The following AMOTL1 variants were observed in gnomAD, a reference collection of about 807,000 sequenced individuals.
AMOTL1 encodes the protein angiomotin like 1, also known as angiomotin-like protein 1.
A neutral mutation model predicts 102.9 loss-of-function variants in AMOTL1; 45 were observed. The observed-to-expected ratio is 0.44, with a 90% CI of 0.34 to 0.56. AMOTL1 has a LOEUF of 0.56. AMOTL1 is among the 20% of genes least tolerant of loss of function. The pLI is 0.01. For missense variants in AMOTL1, 1,114 were observed against 1,225.6 expected (o/e 0.91, Z 1.36); for synonymous variants, 481 against 484.7 (o/e 0.99, Z 0.10).
chr11:94,708,929 T>TATA (rs1252891816), intron 1 of AMOTL1, among the ~76,000 whole-genome samples: 2 of 152,218 alleles, frequency 1.3e-5, no homozygotes, highest in East Asian at 3.9e-4. Flanking sequence ...GGACAGAGTG[T>TATA]AAATAGATCT....
intron 6 of AMOTL1, among the ~76,000 whole-genome samples, chr11:94,834,925 A>G (rs1295356036): frequency 6.6e-6 from 1 of 152,190 alleles, no homozygotes; most frequent in East Asian, 1.9e-4. Context: ...TTAGAGTTTT[A>G]TGAAGGCCTT....
intron 6 of AMOTL1, among the ~76,000 whole-genome samples, chr11:94,845,517 T>C (rs1465062096): frequency 6.6e-6 from 1 of 152,228 alleles, no homozygotes; most frequent in Non-Finnish European, 1.5e-5. Flanking sequence ...TTAGCTCTTG[T>C]TGTTATTTAT....
In AMOTL1 at chr11:94,847,610, A is replaced by G. The variant is rs77032879; in HGVS notation, c.1649-2504A>G. Among the ~76,000 whole-genome samples the G allele has an allele frequency of 2.9e-3, 440 of 152,306 alleles. 3 individuals are homozygous for G. The highest frequency in any genetic ancestry group is 0.01 in the African/African-American group (421 of 41,570). Reference sequence around the variant, plus strand: ...GAGCTGAGGCACAGAGAGGTTAAATATCTCACCTGAGGCCTCATAATTGTA... The same window carrying G: ...GAGCTGAGGCACAGAGAGGTTAAATGTCTCACCTGAGGCCTCATAATTGTA... On this transcript the variant is annotated intron_variant, in intron 6 of 12. Transcript: ENST00000433060.
At chr11:94,715,708 G>A (rs1479234111) in intron 1 of AMOTL1, among the ~76,000 whole-genome samples, 1 of 152,066 alleles carries the variant, frequency 6.6e-6, no homozygotes. Context: ...AGTTTCAAAC[G>A]AGAAATCCTC....
chr11:94,868,674 A>G (rs1283495519), intron 11 of AMOTL1, among the ~76,000 whole-genome samples: 1 of 152,216 alleles, frequency 6.6e-6, no homozygotes, highest in African/African-American at 2.4e-5. Flanking sequence ...ACTATTCAGA[A>G]GAGCAGCAAG....
At chr11:94,793,868 T>C (rs1278274715) in intron 1 of AMOTL1, among the ~76,000 whole-genome samples, 2 of 152,260 alleles carry the variant, frequency 1.3e-5, no homozygotes, top group African/African-American at 4.8e-5. Flanking sequence ...AAAAAAATTC[T>C]TGTCAGAATC....
At chr11:94,766,271 C>T (rs1273621132), upstream of AMOTL1, among the ~76,000 whole-genome samples, 1 of 152,166 alleles carries the variant, frequency 6.6e-6, no homozygotes, top group African/African-American at 2.4e-5. Context: ...ATAATAATAG[C>T]AAATGTATAT....
intron 1 of AMOTL1, among the ~76,000 whole-genome samples, chr11:94,789,722 C>T (rs1003207765): frequency 6.6e-6 from 1 of 152,194 alleles, no homozygotes; most frequent in African/African-American, 2.4e-5. Context: ...CTGCCGGAAT[C>T]AGAAGGCTTG....
rs1446363650 is a variant in AMOTL1, at chr11:94,757,992, G to A, written c.136+17004G>A. 2.0e-5 allele frequency among the ~76,000 whole-genome samples: 3 copies of A among 152,176 alleles called. 1 individual carries two copies. The highest frequency in any genetic ancestry group is 7.2e-5 in the African/African-American group (3 of 41,436). Reference sequence around the variant, plus strand: ...CAGGAGAATAACTTGAACCAGGGAGGCAGAAGTTGCAGTGAGCCAAGACTG... The same window carrying A: ...CAGGAGAATAACTTGAACCAGGGAGACAGAAGTTGCAGTGAGCCAAGACTG... On this transcript the variant is annotated intron_variant, in intron 3 of 4. Transcript: ENST00000299004.
intron 4 of AMOTL1, among the ~76,000 whole-genome samples, chr11:94,825,669 G>A (rs1359979691): frequency 6.6e-6 from 1 of 152,176 alleles, no homozygotes; most frequent in East Asian, 1.9e-4. Context: ...GATAGTTTTT[G>A]TATCAAACCA....
At chr11:94,768,295 C>A (rs370869454), upstream of AMOTL1, 24 of 1,339,540 alleles carry the variant, frequency 1.8e-5, no homozygotes, top group African/African-American at 2.0e-4. Context: ...GTTCTAGTGA[C>A]GAGCCCGGGC....
chr11:94,840,681 TACACACAC>T (rs111907230), intron 6 of AMOTL1, among the ~76,000 whole-genome samples: 5 of 104,782 alleles, frequency 4.8e-5, no homozygotes, highest in African/African-American at 1.6e-4. Context: ...TATATATATA[TACACACAC>T]ACACACACAC....
At chr11:94,768,301 C>A, upstream of AMOTL1, 1 of 1,345,772 alleles carries the variant, frequency 7.4e-7, no homozygotes, top group Non-Finnish European at 9.5e-7. Flanking sequence ...GTGACGAGCC[C>A]GGGCGACCCT....
At chr11:94,806,623 C>T (rs1243403122) in intron 3 of AMOTL1, among the ~76,000 whole-genome samples, 1 of 152,108 alleles carries the variant, frequency 6.6e-6, no homozygotes, top group Non-Finnish European at 1.5e-5. Context: ...CGAATTATGG[C>T]TGGATGAAGG....
intron 4 of AMOTL1, among the ~76,000 whole-genome samples, chr11:94,827,071 A>T (rs1478080975): frequency 6.6e-6 from 1 of 152,212 alleles, no homozygotes; most frequent in Non-Finnish European, 1.5e-5. Flanking sequence ...TAGAAGTTAT[A>T]CATTTAAAGA....
At chr11:94,716,509 A>G (rs1243349004) in intron 1 of AMOTL1, among the ~76,000 whole-genome samples, 1 of 152,148 alleles carries the variant, frequency 6.6e-6, no homozygotes, top group African/African-American at 2.4e-5. Context: ...TTTGGGGCTT[A>G]GCGTATAAGT....
upstream of AMOTL1, among the ~76,000 whole-genome samples, chr11:94,763,466 T>G (rs1218048066): frequency 6.6e-6 from 1 of 152,146 alleles, no homozygotes; most frequent in Non-Finnish European, 1.5e-5. Context: ...AAAAACACAC[T>G]AGAGTTGACC....
At chr11:94,856,492 C>T (rs941507925) in intron 8 of AMOTL1, among the ~76,000 whole-genome samples, 2 of 152,052 alleles carry the variant, frequency 1.3e-5, no homozygotes, top group Non-Finnish European at 2.9e-5. Context: ...AGAGATGACT[C>T]GGAATCCACT....
intron 3 of AMOTL1, among the ~76,000 whole-genome samples, chr11:94,750,925 A>C (rs768725960): frequency 6.6e-4 from 101 of 152,200 alleles, no homozygotes; most frequent in Non-Finnish European, 7.6e-4. Flanking sequence ...TTAGTGAAGC[A>C]GATGAAATTA....
Sources: allele counts gnomAD v4.1 joint callset (sites outside exome capture counted in the v4.1 genomes callset), GRCh38; gene constraint gnomAD v4.1.1; transcripts MANE v1.5; gene names NCBI Gene and HGNC (gene_info 2026-07-23, HGNC 2026-07-21).